Variants in MBOAT4 observed in about 807,000 individuals in gnomAD.
The protein encoded by MBOAT4 is membrane-bound ghrelin O-acyltransferase MBOAT4.
In MBOAT4, 11 loss-of-function variants were observed where a neutral mutation model predicts 13.2. The ratio of observed to expected loss-of-function variants is 0.84; its 90% CI spans 0.53 to 1.38. The LOEUF is 1.38. Among genes scored for constraint, MBOAT4 ranks in the 40% most tolerant of loss-of-function variants. The pLI, the probability that MBOAT4 is intolerant of heterozygous loss-of-function variation, is 0.00. For synonymous variants in MBOAT4, 202 were observed against 210.3 expected, an observed-to-expected ratio of 0.96 and a Z score of 0.34; for missense variants, 481 against 527.2, an observed-to-expected ratio of 0.91 and a Z score of 0.86.
chr8:30,137,076 A>G (rs1444702785), intron 2 of MBOAT4, among the ~76,000 whole-genome samples: 1 of 152,126 alleles, frequency 6.6e-6, no homozygotes, highest in Non-Finnish European at 1.5e-5. Flanking sequence ...GCAGGCTAGA[A>G]TCAGATAGGT....
intron 1 of MBOAT4, among the ~76,000 whole-genome samples, chr8:30,143,468 A>G (rs1803298494): frequency 6.6e-6 from 1 of 152,070 alleles, no homozygotes; most frequent in Admixed American, 6.5e-5. Context: ...TAGCCATGTT[A>G]ACAGTACACT....
chr8:30,135,107 G>A (rs1803111925), intron 2 of MBOAT4, among the ~76,000 whole-genome samples: 1 of 147,046 alleles, frequency 6.8e-6, no homozygotes, highest in South Asian at 2.1e-4. Context: ...GGCCTGGCTA[G>A]TCTCAAACTC....
chr8:30,133,144 T>TG (rs1803064587), intron 2 of MBOAT4, among the ~76,000 whole-genome samples: 1 of 152,186 alleles, frequency 6.6e-6, no homozygotes, highest in Non-Finnish European at 1.5e-5. Flanking sequence ...CTGAAACTCC[T>TG]GGGCTTAAGC....
At chr8:30,136,905 C>A (rs1004056213) in intron 2 of MBOAT4, among the ~76,000 whole-genome samples, 15 of 152,050 alleles carry the variant, frequency 9.9e-5, no homozygotes, top group Non-Finnish European at 1.3e-4. Context: ...CCAGGCTGGT[C>A]TTGAACTCCT....
In MBOAT4 at chr8:30,132,218, C is replaced by G; in HGVS notation, c.1033G>C (p.Val345Leu). Reference sequence around the variant, plus strand: ...ACGGCCCAGCAAACGAAACCAAACACCTGTCCTGGATGGAGTCCATGCCAC... The same window carrying G: ...ACGGCCCAGCAAACGAAACCAAACAGCTGTCCTGGATGGAGTCCATGCCAC... ...AWWHGLHPGQVFGFVCWAVMV... is the reference protein window; with the variant it reads ...AWWHGLHPGQLFGFVCWAVMV... The change falls in exon 3 of 3, where the codon GTG (valine) becomes CTG (leucine). Residue 345 changes from valine to leucine, a missense_variant. By Grantham distance (32) the Val-to-Leu change is conservative (BLOSUM62 1). Transcript: ENST00000320542. The G allele has an allele frequency of 1.3e-6, 2 of 1,551,858 alleles. No individual in the cohort carries two copies. The highest frequency in any genetic ancestry group is 1.7e-6 in the Non-Finnish European group (2 of 1,147,040).
chr8:30,141,298 T>G (rs1466338019), intron 1 of MBOAT4, among the ~76,000 whole-genome samples: 1 of 152,154 alleles, frequency 6.6e-6, no homozygotes, highest in East Asian at 1.9e-4. Flanking sequence ...GGCTTGTTTT[T>G]TAATTGGTGC....
Position 30,132,430 on chromosome 8 carries a change from T to TC in MBOAT4, c.820dup (p.Glu274GlyfsTer85). 1 of 1,551,716 alleles carries TC rather than the reference T, an allele frequency of 6.4e-7. No homozygotes were observed. The highest frequency in any genetic ancestry group is 8.7e-7 in the Non-Finnish European group (1 of 1,147,012). ...CTCCTCTCCAGGGCTCTGACCAAGC[T>TC]CAGGCCCAAAGCCCGCTGCGTGGAG... On this transcript the variant is annotated frameshift_variant, in exon 3 of 3. Transcript: ENST00000320542. LOFTEE classifies it low-confidence loss of function (END_TRUNC).
chr8:30,139,794 C>CA (rs111865661), intron 1 of MBOAT4, among the ~76,000 whole-genome samples: 19 of 26,700 alleles, frequency 7.1e-4, no homozygotes, highest in African/African-American at 1.3e-3. Flanking sequence ...CCCATCTCTA[C>CA]AAAAAAAAAA....
rs1368308597 is a variant in MBOAT4 at position 30,132,875 on chromosome 8, A to G, written c.376T>C (p.Leu126=). ...GAGAGGGACGTGACCCTCTGGGTCA[A>G]GAGCATGAGAGAAGAAAGAGTGATG... ...FCITLSSLML[L]TQRVTSLSLD... is the part of the protein sequence containing the mutation. Residue 126 remains leucine, a synonymous_variant, in exon 3 of 3, where the codon TTG becomes CTG. Transcript: ENST00000320542. 1 of 1,531,362 alleles carries G rather than the reference A, an allele frequency of 6.5e-7. No homozygotes were observed. The highest frequency in any genetic ancestry group is 8.8e-7 in the Non-Finnish European group (1 of 1,138,520). The allele number at this position is 1,531,362 out of a possible 1,614,324, so 94.9% of individuals were successfully genotyped here.
intron 2 of MBOAT4, chr8:30,137,311 G>A (rs1366347763): frequency 6.4e-7 from 1 of 1,551,746 alleles, no homozygotes; most frequent in Admixed American, 2.0e-5. Flanking sequence ...GGGAACAGCT[G>A]AGTCTGAAGG....
chr8:30,142,047 A>C lies in MBOAT4; in HGVS notation c.119+2436T>G, dbSNP rs577597827. On this transcript the variant is annotated intron_variant, in intron 1 of 2. Coordinates refer to ENST00000320542, the MANE Select transcript of MBOAT4 (RefSeq NM_001100916.2). ...TTATCCTTTACACAGCAACACTCCC[A>C]CCCACAGGCAACTCCCCTAGGAGAT... 2.5e-3 allele frequency among the ~76,000 whole-genome samples: 374 copies of C among 152,256 alleles called. 1 individual carries two copies. Among genetic ancestry groups the C allele is most frequent in the Non-Finnish European group, 4.4e-3 (298 of 68,030 alleles).
chr8:30,133,788 CA>C (rs11430475), intron 2 of MBOAT4, among the ~76,000 whole-genome samples: 22 of 123,026 alleles, frequency 1.8e-4, no homozygotes, highest in East Asian at 2.3e-4. Context: ...GACCCTGTCT[CA>C]AAAAAAAAAA....
At chr8:30,134,560 G>A (rs1197036683) in intron 2 of MBOAT4, among the ~76,000 whole-genome samples, 1 of 151,304 alleles carries the variant, frequency 6.6e-6, no homozygotes, top group African/African-American at 2.4e-5. Flanking sequence ...TATTTTTTTG[G>A]AGACAGAGTC....
At chr8:30,141,808 ACAGTGC>A (rs1455581295) in intron 1 of MBOAT4, among the ~76,000 whole-genome samples, 1 of 152,234 alleles carries the variant, frequency 6.6e-6, no homozygotes, top group Non-Finnish European at 1.5e-5. Context: ...GGCTCCGGGC[ACAGTGC>A]CAAGTACAGG....
intron 2 of MBOAT4, among the ~76,000 whole-genome samples, chr8:30,133,850 A>C (rs1314931030): frequency 6.6e-6 from 1 of 152,108 alleles, no homozygotes; most frequent in African/African-American, 2.4e-5. Context: ...AAAGCAAAAC[A>C]AAACAAAACA....
At chr8:30,134,408 CG>C (rs1013267588) in intron 2 of MBOAT4, among the ~76,000 whole-genome samples, 64 of 149,974 alleles carry the variant, frequency 4.3e-4, no homozygotes, top group African/African-American at 1.4e-3. Flanking sequence ...GGTGATAGAG[CG>C]AGACTGCATC....
chr8:30,133,090 A>T (rs1803063395), intron 2 of MBOAT4, among the ~76,000 whole-genome samples, 184 bp from the exon 3 acceptor site: 1 of 152,198 alleles, frequency 6.6e-6, no homozygotes, highest in South Asian at 2.1e-4. Flanking sequence ...TTATTTATTT[A>T]TTTTTTTATA....
chr8:30,134,763 G>A lies in MBOAT4; in HGVS notation c.345-1857C>T, dbSNP rs555165903. 3.3e-5 allele frequency among the ~76,000 whole-genome samples: 5 copies of A among 152,274 alleles called. No individual in the cohort carries two copies. In the South Asian group the frequency reaches 1.0e-3, roughly 32 times the overall value. On this transcript the variant is annotated intron_variant, in intron 2 of 2. Transcript: ENST00000320542. ...GGGTTTCGCCATGTCTGCCAGGCTG[G>A]TCTTGAACTCCTCATCTCAGGAGAT...
At chr8:30,133,310 C>T (rs1040311284) in intron 2 of MBOAT4, among the ~76,000 whole-genome samples, 7 of 152,020 alleles carry the variant, frequency 4.6e-5, no homozygotes, top group African/African-American at 1.4e-4. Flanking sequence ...ATGAAATTAG[C>T]GTAAAAAATC....
Sources: allele counts gnomAD v4.1 joint callset (sites outside exome capture counted in the v4.1 genomes callset), GRCh38; gene constraint gnomAD v4.1.1; transcripts MANE v1.5; gene names NCBI Gene and HGNC (gene_info 2026-07-23, HGNC 2026-07-21).